FOXP1: variants seen among roughly 807,000 people sequenced by gnomAD.
FOXP1 encodes forkhead box P1.
FOXP1 carries 15 observed loss-of-function variants against 98.2 expected under a neutral mutation model. The observed-to-expected ratio is 0.15, with a 90% CI of 0.10 to 0.24. The LOEUF is 0.24. FOXP1 is among the 10% of genes least tolerant of loss of function. FOXP1 has a pLI of 1.00. For synonymous variants in FOXP1, 371 were observed against 314.5 expected, an observed-to-expected ratio of 1.18 and a Z score of -1.90; for missense variants, 633 against 848.5, an observed-to-expected ratio of 0.75 and a Z score of 3.15.
At chr3:71,040,775 C>A (rs546235812) in intron 11 of FOXP1, among the ~76,000 whole-genome samples, 1 of 152,282 alleles carries the variant, frequency 6.6e-6, no homozygotes, top group Admixed American at 6.5e-5. Context: ...CCCACCTCCA[C>A]CAGCCACCAC....
intron 9 of FOXP1, among the ~76,000 whole-genome samples, chr3:71,048,744 A>G (rs1169799825): frequency 6.6e-6 from 1 of 151,764 alleles, no homozygotes; most frequent in Non-Finnish European, 1.5e-5. Flanking sequence ...GGGAAGAGAA[A>G]AAAACAACAT....
intron 11 of FOXP1, among the ~76,000 whole-genome samples, chr3:71,039,587 T>C (rs1308819446): frequency 6.6e-6 from 1 of 152,100 alleles, no homozygotes; most frequent in African/African-American, 2.4e-5. Context: ...CTTAAGTGCA[T>C]CAGTCGGCGT....
At chr3:71,121,042 TC>T (rs1175181637) in intron 6 of FOXP1, among the ~76,000 whole-genome samples, 2 of 83,246 alleles carry the variant, frequency 2.4e-5, no homozygotes, top group Non-Finnish European at 5.0e-5. Context: ...TTTCTTTCTT[TC>T]TTTTTTTTTT....
At chr3:71,341,905 A>T (rs2077032341) in intron 4 of FOXP1, among the ~76,000 whole-genome samples, 1 of 152,204 alleles carries the variant, frequency 6.6e-6, no homozygotes, top group Non-Finnish European at 1.5e-5. Flanking sequence ...TTATCCATGG[A>T]AGCTTGTGGT....
chr3:71,087,535 G>C (rs1267488075), intron 7 of FOXP1, among the ~76,000 whole-genome samples: 4 of 152,212 alleles, frequency 2.6e-5, no homozygotes, highest in Non-Finnish European at 5.9e-5. Flanking sequence ...TTCCTGTTGA[G>C]AGATGCCAGC....
At chr3:71,056,910 C>A (rs1342374218) in intron 7 of FOXP1, among the ~76,000 whole-genome samples, 1 of 152,146 alleles carries the variant, frequency 6.6e-6, no homozygotes, top group Non-Finnish European at 1.5e-5. Flanking sequence ...CAACGTCCAA[C>A]TTTTTCATGT....
At chr3:71,166,690 C>T (rs996154697) in intron 6 of FOXP1, among the ~76,000 whole-genome samples, 1 of 152,080 alleles carries the variant, frequency 6.6e-6, no homozygotes, top group African/African-American at 2.4e-5. Context: ...ATGCTGAACA[C>T]CTCCAAGATG....
intron 10 of FOXP1, among the ~76,000 whole-genome samples, chr3:71,046,157 T>A (rs1055223742): frequency 1.3e-5 from 2 of 152,176 alleles, no homozygotes; most frequent in Non-Finnish European, 2.9e-5. Flanking sequence ...ATCCATCTGC[T>A]TTCACATTAC....
chr3:71,272,907 C>T (rs1163889136), intron 5 of FOXP1, among the ~76,000 whole-genome samples: 1 of 152,178 alleles, frequency 6.6e-6, no homozygotes, highest in Non-Finnish European at 1.5e-5. Flanking sequence ...AGGCAACCAT[C>T]TCAAGGCCAT....
intron 3 of FOXP1, among the ~76,000 whole-genome samples, chr3:71,365,579 CAGT>C (rs776523435): frequency 1.1e-4 from 16 of 151,604 alleles, no homozygotes; most frequent in Non-Finnish European, 1.6e-4. Flanking sequence ...GCAAAATAAA[CAGT>C]AGATTTTAGA....
intron 4 of FOXP1, among the ~76,000 whole-genome samples, chr3:71,310,676 T>C (rs1444600071): frequency 2.0e-5 from 3 of 152,232 alleles, no homozygotes; most frequent in Non-Finnish European, 4.4e-5. Context: ...TTTGGTTCTC[T>C]TCTGGGCGTT....
intron 5 of FOXP1, among the ~76,000 whole-genome samples, chr3:71,225,536 T>TAA (rs10663180): frequency 0.89 from 134,869 of 152,158 alleles, 60,038 homozygotes; most frequent in African/African-American, 0.97. Context: ...ATTTCTGAGC[T>TAA]GTCATAATTG....
At chr3:71,499,473 T>A (rs1203363666) in intron 2 of FOXP1, among the ~76,000 whole-genome samples, 3 of 152,222 alleles carry the variant, frequency 2.0e-5, no homozygotes, top group Admixed American at 2.0e-4. Context: ...CATATAAACA[T>A]ACAGACATGC....
At chr3:71,519,403 C>T (rs2042815993) in intron 2 of FOXP1, among the ~76,000 whole-genome samples, 1 of 152,154 alleles carries the variant, frequency 6.6e-6, no homozygotes, top group African/African-American at 2.4e-5. Context: ...ATGTTAAGTC[C>T]TATTCTCTGC....
chr3:71,069,764 G>C (rs2052991872), intron 7 of FOXP1, among the ~76,000 whole-genome samples: 2 of 152,208 alleles, frequency 1.3e-5, no homozygotes. Context: ...GAAGGGGAAA[G>C]AAAAGACGGC....
rs568716791 is a variant in FOXP1, at chr3:71,233,044, C to T, written c.-11-34652G>A. 3.3e-5 allele frequency among the ~76,000 whole-genome samples: 5 copies of T among 151,668 alleles called. No homozygotes were observed. The South Asian group carries it at 8.4e-4, about 25-fold the overall frequency. ...CCTCTAGTCCCAGCTACTCTGGAGG[C>T]TGAGGCAGGAGGATCGTTTGAACCC... On this transcript the variant is annotated intron_variant, in intron 5 of 20. Coordinates refer to ENST00000649528, the MANE Select transcript of FOXP1 (RefSeq NM_001349338.3).
intron 17 of FOXP1, 131 bp downstream of exon 17, chr3:70,976,810 A>G: frequency 1.4e-6 from 1 of 696,992 alleles, no homozygotes; most frequent in South Asian, 1.5e-5. Flanking sequence ...AAATACACCT[A>G]GAGATTGGAC....
intron 2 of FOXP1, among the ~76,000 whole-genome samples, chr3:71,504,482 A>C (rs2041657788): frequency 6.6e-6 from 1 of 152,234 alleles, no homozygotes; most frequent in Non-Finnish European, 1.5e-5. Flanking sequence ...AAAGTAAATG[A>C]CTAATGAAAT....
At chr3:71,415,396 A>C (rs1362552661) in intron 3 of FOXP1, among the ~76,000 whole-genome samples, 2 of 152,236 alleles carry the variant, frequency 1.3e-5, no homozygotes, top group African/African-American at 4.8e-5. Flanking sequence ...TTAAGAAACC[A>C]TGAGGCTTTA....
Sources: gnomAD v4.1 joint callset for allele counts (sites outside exome capture counted in the v4.1 genomes callset) on GRCh38, gnomAD v4.1.1 for gene constraint, MANE v1.5 for transcripts, NCBI Gene and HGNC (gene_info 2026-07-23, HGNC 2026-07-21) for gene names.